ANO1: variants seen among roughly 807,000 people sequenced by gnomAD.
ANO1 encodes the protein anoctamin-1.
A neutral mutation model predicts 124.0 loss-of-function variants in ANO1; 59 were observed. The ratio of observed to expected loss-of-function variants is 0.48; its 90% CI spans 0.39 to 0.59. ANO1 has a LOEUF of 0.59. ANO1 is among the 20% of genes least tolerant of loss of function. The pLI, the probability that ANO1 is intolerant of heterozygous loss-of-function variation, is 0.00. For synonymous variants in ANO1, 529 were observed against 532.0 expected (o/e 0.99, Z 0.08); for missense variants, 1,059 against 1,328.0 (o/e 0.80, Z 3.15).
At chr11:69,977,024 C>T in the ANO1 span, among the ~76,000 whole-genome samples, 1 of 152,178 alleles carries the variant, frequency 6.6e-6, no homozygotes, top group African/African-American at 2.4e-5. Flanking sequence ...TGAGGCCAGC[C>T]CCAGGCGGTC....
Position 69,986,947 on chromosome 11 carries a change from GC to G in ANO1, c.58+784del, listed in dbSNP as rs1856054588. On this transcript the variant is annotated intron_variant, in intron 1 of 27. Coordinates refer to the ANO1 transcript ENST00000531349. The stretch of plus-strand genomic sequence containing the variant: ...TCTGAAGCCCTGGTTAGGAGGCAGT[GC>G]CCTGCAATCAGGATGCCACCGCCAA... Among the ~76,000 whole-genome samples, 5 of 152,236 alleles carry G rather than the reference GC, an allele frequency of 3.3e-5. No homozygotes were observed. In the South Asian group the frequency reaches 1.0e-3, roughly 32 times the overall value.
At position 70,170,982 on chromosome 11, in the gene ANO1, G is replaced by T. The variant is rs765220721; in HGVS notation, c.2293G>T (p.Ala765Ser). The change falls in exon 22 of 26, where the codon GCC (alanine) becomes TCC (serine). Residue 765 changes from alanine (A) to serine (S), a missense_variant. Ala to Ser is a moderately conservative substitution (Grantham distance 99). This residue lies in a region of ANO1 where 809 missense variants were observed against 1,094.9 expected (regional missense o/e 0.74). Coordinates refer to ENST00000355303, the MANE Select transcript of ANO1 (RefSeq NM_018043.7). Reference sequence around the variant, plus strand: ...CAACATCATCGAGATCCGCCTGGACGCCAAAAAGTTTGTCACTGAGCTCCG... The same window carrying T: ...CAACATCATCGAGATCCGCCTGGACTCCAAAAAGTTTGTCACTGAGCTCCG... Reference protein sequence around the residue: ...LNNIIEIRLDAKKFVTELRRP... With the variant: ...LNNIIEIRLDSKKFVTELRRP... 1.2e-6 allele frequency: 2 copies of T among 1,612,868 alleles called. No individual in the cohort carries two copies. Among genetic ancestry groups the T allele is most frequent in the Admixed American group, 3.3e-5 (2 of 59,844 alleles).
intron 1 of ANO1, among the ~76,000 whole-genome samples, 198 bp downstream of exon 1, chr11:70,078,912 T>A (rs1207969894): frequency 6.6e-6 from 1 of 151,570 alleles, no homozygotes; most frequent in Non-Finnish European, 1.5e-5. Context: ...GCGCCCCGCC[T>A]GCGCTCTGAG....
intron 16 of ANO1, among the ~76,000 whole-genome samples, chr11:70,160,076 A>G (rs1202926113): frequency 6.6e-6 from 1 of 151,964 alleles, no homozygotes; most frequent in Non-Finnish European, 1.5e-5. Context: ...TGCAACTGGG[A>G]GACACACAGG....
At chr11:69,968,432 T>C in the ANO1 span, among the ~76,000 whole-genome samples, 1 of 152,354 alleles carries the variant, frequency 6.6e-6, no homozygotes, top group South Asian at 2.1e-4. Flanking sequence ...GCAAATTCGC[T>C]GGAAAAGAAC....
chr11:70,159,532 T>C (rs1317753806), intron 16 of ANO1, among the ~76,000 whole-genome samples: 1 of 152,204 alleles, frequency 6.6e-6, no homozygotes, highest in Non-Finnish European at 1.5e-5. Context: ...TGTCTTCAAC[T>C]TGGGAGTTTC....
chr11:70,163,153 G>T, intron 18 of ANO1, 130 bp from the exon 19 acceptor site: 1 of 905,450 alleles, frequency 1.1e-6, no homozygotes, highest in Non-Finnish European at 1.7e-6. Context: ...CAGGCAGGGA[G>T]AGCCGCCTGT....
At chr11:70,097,249 G>T (rs2509151) in intron 2 of ANO1, among the ~76,000 whole-genome samples, 3 of 152,014 alleles carry the variant, frequency 2.0e-5, no homozygotes, top group Non-Finnish European at 4.4e-5. Context: ...GAGCAGTGGC[G>T]CCTGATCCAC....
chr11:70,178,837 T>TA (rs1288724687), intron 22 of ANO1, among the ~76,000 whole-genome samples: 4 of 152,234 alleles, frequency 2.6e-5, no homozygotes. Context: ...ATGCTGGGAT[T>TA]ATAGGCGTGA....
Position 70,087,931 on chromosome 11 carries a change from G to C in ANO1, c.288G>C (p.Lys96Asn), listed in dbSNP as rs1326482481. 1 of 1,607,500 alleles carries C rather than the reference G, an allele frequency of 6.2e-7. No individual in the cohort carries two copies. Among genetic ancestry groups the C allele is most frequent in the East Asian group, 2.2e-5 (1 of 44,624 alleles). ...CCCCCTCTGGGGCTCGCAGCGTCAA[G>C]CAGGACCACCCCCTGCCGGGCAAGG... ...SDTPSGARSV[K>N]QDHPLPGKGA... is the part of the protein sequence containing the mutation. Residue 96 changes from lysine to asparagine, a missense_variant, in exon 2 of 26, where the codon AAG becomes AAC. Lys to Asn is a moderately conservative substitution (Grantham distance 94, BLOSUM62 0). This residue lies in a region of ANO1 where 250 missense variants were observed against 233.1 expected (regional missense o/e 1.07). Transcript: ENST00000355303.
chr11:70,156,992 C>T lies in ANO1; in HGVS notation c.1549C>T (p.Leu517Phe), dbSNP rs758117266. ...ATGGAGAGATCGGTTCCCAGCCTAC[C>T]TCACTAACTTGGTCTCCATCATCTT... ...LTWRDRFPAY[L>F]TNLVSIIFMI... Residue 517 changes from leucine to phenylalanine, a missense_variant, in exon 16 of 26, where the codon CTC becomes TTC. By Grantham distance (22) the Leu-to-Phe change is conservative. Around this residue, in one of 2 missense-constraint regions of ANO1, gnomAD observed 809 missense variants for 1,094.9 expected, o/e 0.74. Coordinates refer to ENST00000355303, the MANE Select transcript of ANO1 (RefSeq NM_018043.7). 2 of 1,613,638 alleles carry T rather than the reference C, an allele frequency of 1.2e-6. No homozygotes were observed. Among genetic ancestry groups the T allele is most frequent in the Non-Finnish European group, 1.7e-6 (2 of 1,179,790 alleles).
intron 1 of ANO1, among the ~76,000 whole-genome samples, chr11:70,035,426 G>A (rs1555004271): frequency 1.3e-5 from 2 of 152,064 alleles, no homozygotes; most frequent in African/African-American, 2.4e-5. Flanking sequence ...TCATTACTTT[G>A]TAGATTATTT....
chr11:70,001,221 G>A (rs1253639996), intron 1 of ANO1, among the ~76,000 whole-genome samples: 2 of 152,192 alleles, frequency 1.3e-5, no homozygotes, highest in African/African-American at 4.8e-5. Context: ...CTTGCTGCTT[G>A]GTCAGGCAGC....
chr11:69,971,974 A>C, the ANO1 span, among the ~76,000 whole-genome samples: 1 of 152,066 alleles, frequency 6.6e-6, no homozygotes, highest in Non-Finnish European at 1.5e-5. Flanking sequence ...TAATCTCAGC[A>C]CTTTGAGAGG....
At chr11:70,177,041 G>A (rs1335340800) in intron 22 of ANO1, among the ~76,000 whole-genome samples, 1 of 152,174 alleles carries the variant, frequency 6.6e-6, no homozygotes, top group Non-Finnish European at 1.5e-5. Flanking sequence ...GGGCCCGGAA[G>A]CGAGGAAGAC....
chr11:70,102,173 G>A (rs1275729356), intron 2 of ANO1, among the ~76,000 whole-genome samples: 4 of 152,210 alleles, frequency 2.6e-5, no homozygotes, highest in East Asian at 1.9e-4. Context: ...TTAAGAGTGG[G>A]GAGTCAGGGC....
Position 70,157,435 on chromosome 11 carries a change from G to A in ANO1, c.1578+414G>A, listed in dbSNP as rs906795717. 1.2e-4 allele frequency among the ~76,000 whole-genome samples: 18 copies of A among 151,782 alleles called. No homozygotes were observed. In the South Asian group the frequency reaches 1.5e-3, roughly 12 times the overall value. ...CTGATTCAGCCTTTCACACGGTGGT[G>A]CCACTGGTCCCAGGGTGCGCCGGCC... On this transcript the variant is annotated intron_variant, in intron 16 of 25. Coordinates refer to ENST00000355303, the MANE Select transcript of ANO1 (RefSeq NM_018043.7).
upstream of ANO1, among the ~76,000 whole-genome samples, chr11:69,980,999 C>A (rs1554996171): frequency 6.6e-6 from 1 of 152,146 alleles, no homozygotes; most frequent in African/African-American, 2.4e-5. Context: ...TTGCAGTGAG[C>A]CAAGGTCATG....
Position 70,136,011 on chromosome 11 carries a change from C to T in ANO1, c.1258+3932C>T, listed in dbSNP as rs187787112. On this transcript the variant is annotated intron_variant, in intron 11 of 25. Transcript: ENST00000355303. ...TGCCGCAGCCACAGAACGAGCCCCTCCCCCCAGACCTCCCTCCTTCTGGGA... is the reference window on the plus strand; with the variant it reads ...TGCCGCAGCCACAGAACGAGCCCCTTCCCCCAGACCTCCCTCCTTCTGGGA... Among the ~76,000 whole-genome samples the T allele has an allele frequency of 3.2e-3, 484 of 152,322 alleles. 1 individual carries two copies. Among genetic ancestry groups the T allele is most frequent in the Non-Finnish European group, 5.2e-3 (351 of 68,036 alleles).
Sources: allele counts gnomAD v4.1 joint callset (sites outside exome capture counted in the v4.1 genomes callset), GRCh38; gene constraint gnomAD v4.1.1; regional missense constraint gnomAD v4.1.1; transcripts MANE v1.5; gene names NCBI Gene and HGNC (gene_info 2026-07-23, HGNC 2026-07-21).